The following AKAP19 variants were observed in gnomAD, a reference collection of about 807,000 sequenced individuals.
AKAP19 encodes A-kinase anchoring protein 19, also known as small A-kinase anchoring protein.
the AKAP19 span, among the ~76,000 whole-genome samples, chr2:190,163,458 A>G: frequency 6.7e-6 from 1 of 150,250 alleles, no homozygotes; most frequent in African/African-American, 2.5e-5. Context: ...CAAAAAACAA[A>G]AAAAAAAAAA....
the AKAP19 span, among the ~76,000 whole-genome samples, chr2:190,171,240 A>G: frequency 1.7e-4 from 26 of 152,272 alleles, no homozygotes; most frequent in African/African-American, 6.0e-4. Context: ...AGTTAAAAAA[A>G]AAAACAAACA....
At chr2:190,122,256 A>C in the AKAP19 span, among the ~76,000 whole-genome samples, 1 of 152,242 alleles carries the variant, frequency 6.6e-6, no homozygotes, top group Non-Finnish European at 1.5e-5. Context: ...ATGAACAGGC[A>C]GAAGTCCATT....
the AKAP19 span, among the ~76,000 whole-genome samples, chr2:190,179,507 A>G: frequency 5.7e-3 from 865 of 152,346 alleles, 8 homozygotes; most frequent in East Asian, 0.021. This position sits in a 1 kb window ranked among gnomAD's most constrained non-coding sequence, Gnocchi z 6.0. Flanking sequence ...CAATCCCATT[A>G]ATCATACTAG....
chr2:189,938,413 C>T, the AKAP19 span, among the ~76,000 whole-genome samples: 1 of 151,574 alleles, frequency 6.6e-6, no homozygotes, highest in African/African-American at 2.4e-5. Context: ...GAATGAGATT[C>T]AGTCATTTTC....
chr2:189,887,471 A>C, the AKAP19 span, among the ~76,000 whole-genome samples: 31 of 152,344 alleles, frequency 2.0e-4, no homozygotes, highest in African/African-American at 7.5e-4. Context: ...AGAATGATTT[A>C]TAATCCTTTG....
At chr2:190,183,645 C>T in the AKAP19 span, among the ~76,000 whole-genome samples, 10 of 151,938 alleles carry the variant, frequency 6.6e-5, no homozygotes, top group African/African-American at 1.9e-4. Context: ...AATAAAAACA[C>T]TGGGGGAAAA....
chr2:190,124,078 C>T, the AKAP19 span, among the ~76,000 whole-genome samples: 1 of 152,132 alleles, frequency 6.6e-6, no homozygotes, highest in African/African-American at 2.4e-5. Context: ...GATCGGCTGC[C>T]CTGGTTCTGA....
the AKAP19 span, among the ~76,000 whole-genome samples, chr2:189,992,901 T>C: frequency 2.0e-5 from 3 of 152,208 alleles, no homozygotes; most frequent in Middle Eastern, 3.2e-3. Flanking sequence ...ATTTATCAGA[T>C]ATAGGAGCTT....
At chr2:190,177,188 G>A in the AKAP19 span, among the ~76,000 whole-genome samples, 1 of 152,158 alleles carries the variant, frequency 6.6e-6, no homozygotes, top group African/African-American at 2.4e-5. This position sits in a 1 kb window ranked among gnomAD's most constrained non-coding sequence, Gnocchi z 4.6. Context: ...TACCCACTCA[G>A]TTGGCTTTGG....
chr2:189,890,595 A>T, the AKAP19 span, among the ~76,000 whole-genome samples: 1 of 152,074 alleles, frequency 6.6e-6, no homozygotes, highest in African/African-American at 2.4e-5. Flanking sequence ...TTATGAATCT[A>T]GGTGCTCCTG....
the AKAP19 span, among the ~76,000 whole-genome samples, chr2:190,138,300 C>T: frequency 6.6e-6 from 1 of 152,098 alleles, no homozygotes; most frequent in Admixed American, 6.6e-5. Context: ...GAGGTTATGC[C>T]AGAACTTGAT....
At chr2:189,952,032 C>G in the AKAP19 span, among the ~76,000 whole-genome samples, 1 of 152,158 alleles carries the variant, frequency 6.6e-6, no homozygotes, top group Non-Finnish European at 1.5e-5. Flanking sequence ...CCACTGGTTT[C>G]CCCCATATAT....
the AKAP19 span, among the ~76,000 whole-genome samples, chr2:189,910,600 TTC>T: frequency 2.0e-5 from 3 of 151,986 alleles, no homozygotes; most frequent in Non-Finnish European, 4.4e-5. Flanking sequence ...TTCTTTCTTT[TTC>T]TCTCTCTCCC....
chr2:189,918,222 G>A, the AKAP19 span, among the ~76,000 whole-genome samples: 1 of 151,730 alleles, frequency 6.6e-6, no homozygotes, highest in African/African-American at 2.4e-5. Context: ...TACAAAACTC[G>A]ATAGAATATA....
At chr2:190,068,140 A>C in the AKAP19 span, among the ~76,000 whole-genome samples, 1 of 152,110 alleles carries the variant, frequency 6.6e-6, no homozygotes, top group Non-Finnish European at 1.5e-5. Context: ...AATTGTATAG[A>C]TTGTCCCCTC....
At chr2:190,146,005 A>AT in the AKAP19 span, among the ~76,000 whole-genome samples, 1 of 145,930 alleles carries the variant, frequency 6.9e-6, no homozygotes, top group East Asian at 2.0e-4. Context: ...TTTTATTTTT[A>AT]TTTTTTATTT....
At chr2:190,056,675 T>G in the AKAP19 span, 4 of 152,626 alleles carry the variant, frequency 2.6e-5, no homozygotes, top group Non-Finnish European at 5.9e-5. Context: ...CCTCAGACAT[T>G]CAGCCTATCG....
chr2:190,036,843 A>T, the AKAP19 span, among the ~76,000 whole-genome samples: 2 of 152,346 alleles, frequency 1.3e-5, no homozygotes, highest in South Asian at 4.1e-4. Context: ...ATAGCTTCCC[A>T]AAAGATTAAG....
chr2:190,160,107 G>A, the AKAP19 span, among the ~76,000 whole-genome samples: 3 of 152,078 alleles, frequency 2.0e-5, no homozygotes, highest in South Asian at 4.1e-4. Flanking sequence ...ACCTAGCTGA[G>A]GTTTTCATGG....
Sources: gnomAD v4.1 joint callset for allele counts (sites outside exome capture counted in the v4.1 genomes callset) on GRCh38, gnomAD v4.1.1 for gene constraint, Gnocchi (gnomAD v3.1) non-coding constraint, MANE v1.5 for transcripts, NCBI Gene and HGNC (gene_info 2026-07-23, HGNC 2026-07-21) for gene names.